Variants in GMPS observed in about 807,000 individuals in gnomAD.
The protein encoded by GMPS is guanosine monophosphate synthase, also known as GMP synthase [glutamine-hydrolyzing].
A neutral mutation model predicts 77.9 loss-of-function variants in GMPS; 15 were observed. That is an observed-to-expected ratio of 0.19 (90% CI 0.13 to 0.30). The LOEUF (loss-of-function observed/expected upper bound fraction) is 0.30. Among genes scored for constraint, GMPS ranks in the 10% least tolerant of loss-of-function variants. GMPS has a pLI of 1.00. For synonymous variants in GMPS, 224 were observed against 275.9 expected (o/e 0.81, Z 1.86); for missense variants, 590 against 838.8 (o/e 0.70, Z 3.66).
chr3:155,886,957 A>C (rs940563090), intron 1 of GMPS, among the ~76,000 whole-genome samples: 2 of 152,236 alleles, frequency 1.3e-5, no homozygotes, highest in Admixed American at 1.3e-4. Context: ...ATATGAATTA[A>C]CATAATATTA....
At chr3:155,928,488 C>T (rs994625664) in intron 12 of GMPS, among the ~76,000 whole-genome samples, 1 of 151,920 alleles carries the variant, frequency 6.6e-6, no homozygotes, top group African/African-American at 2.4e-5. Context: ...AAACAGGACA[C>T]AGGAAAAGAG....
intron 9 of GMPS, among the ~76,000 whole-genome samples, chr3:155,918,034 G>C: frequency 6.6e-6 from 1 of 152,086 alleles, no homozygotes; most frequent in Non-Finnish European, 1.5e-5. Context: ...GGAACTTATT[G>C]TCCATAGCAA....
At chr3:155,870,515 G>A, upstream of GMPS, 1 of 228,760 alleles carries the variant, frequency 4.4e-6, no homozygotes, top group Non-Finnish European at 8.6e-6. Context: ...GCGGGGCCGG[G>A]CGCCGCGAGC....
At position 155,939,862 on chromosome 3, in the gene GMPS, G is replaced by A. The variant is rs984727372; in HGVS notation, c.*2170G>A. 5.0e-6 allele frequency: 1 copy of A among 201,208 alleles called. No individual in the cohort carries two copies. The highest frequency in any genetic ancestry group is 2.3e-5 in the African/African-American group (1 of 43,568). The allele number at this position is 201,208 out of a possible 1,614,324, so 12.5% of individuals were successfully genotyped here. On this transcript the variant is annotated 3_prime_UTR_variant, in exon 16 of 16. Transcript: ENST00000496455. The stretch of plus-strand genomic sequence containing the variant: ...TCTGTACCTTCACAGTATTTCATCT[G>A]AGCCACTGAGGAAAGTTAAAGGTTG...
intron 4 of GMPS, 98 bp from the exon 5 acceptor site, chr3:155,906,062 C>A: frequency 7.3e-6 from 4 of 551,078 alleles, no homozygotes; most frequent in Non-Finnish European, 6.1e-6. Context: ...TTCTGTTTTT[C>A]TAATCATGTA....
intron 1 of GMPS, among the ~76,000 whole-genome samples, chr3:155,872,406 G>C (rs965995748): frequency 6.6e-6 from 1 of 152,162 alleles, no homozygotes; most frequent in Non-Finnish European, 1.5e-5. Context: ...CCGATTACTA[G>C]TCGACTTGCA....
rs542017631 is a variant in GMPS, at chr3:155,916,180, G to T, written c.1200G>T (p.Lys400Asn). 4 of 1,606,070 alleles carry T rather than the reference G, an allele frequency of 2.5e-6. No homozygotes were observed. The Admixed American group carries it at 6.9e-5, about 28-fold the overall frequency. ...ACAATGACACAGAGCTCATCAGAAAGTTGAGAGAGGAGGTAAAAGTTTATG... is the reference window on the plus strand; with the variant it reads ...ACAATGACACAGAGCTCATCAGAAATTTGAGAGAGGAGGTAAAAGTTTATG... ...THHNDTELIR[K>N]LREEGKVIEP... is the part of the protein sequence containing the mutation. Residue 400 changes from lysine (K) to asparagine (N), a missense_variant, in exon 9 of 16, where the codon AAG (lysine) becomes AAT (asparagine). This residue lies in a region of GMPS where 64 missense variants were observed against 114.5 expected (regional missense o/e 0.56). Coordinates refer to ENST00000496455, the MANE Select transcript of GMPS (RefSeq NM_003875.3).
chr3:155,875,904 C>T (rs1277209869), intron 1 of GMPS, among the ~76,000 whole-genome samples: 1 of 151,912 alleles, frequency 6.6e-6, no homozygotes, highest in Non-Finnish European at 1.5e-5. Flanking sequence ...TCTATACACT[C>T]ATTAAGATTG....
At chr3:155,936,102 T>C (rs919850781) in intron 14 of GMPS, among the ~76,000 whole-genome samples, 4 of 152,210 alleles carry the variant, frequency 2.6e-5, no homozygotes, top group Non-Finnish European at 4.4e-5. Context: ...CTGGACTGTT[T>C]CTGTTTACAG....
intron 2 of GMPS, among the ~76,000 whole-genome samples, chr3:155,895,841 A>G (rs1168772690): frequency 1.3e-5 from 2 of 152,232 alleles, no homozygotes; most frequent in East Asian, 3.9e-4. Flanking sequence ...TGTTTTTTTA[A>G]TAGCACTAAG....
At chr3:155,884,403 GAA>G (rs936558047) in intron 1 of GMPS, among the ~76,000 whole-genome samples, 1 of 146,736 alleles carries the variant, frequency 6.8e-6, no homozygotes, top group East Asian at 2.0e-4. Context: ...AAAAAAAAAA[GAA>G]AAAAAAATCA....
chr3:155,873,703 C>T (rs188114651), intron 1 of GMPS, among the ~76,000 whole-genome samples: 113 of 128,600 alleles, frequency 8.8e-4, no homozygotes, highest in African/African-American at 3.3e-3. Context: ...GGTGTGATCT[C>T]GGCTCACTGC....
At chr3:155,891,230 A>G (rs1250475132) in intron 1 of GMPS, among the ~76,000 whole-genome samples, 1 of 152,228 alleles carries the variant, frequency 6.6e-6, no homozygotes, top group Non-Finnish European at 1.5e-5. Context: ...GCATATTAGG[A>G]TTATGCAAGG....
intron 14 of GMPS, 109 bp from the exon 15 acceptor site, chr3:155,936,229 G>T: frequency 1.4e-6 from 1 of 697,914 alleles, no homozygotes; most frequent in Admixed American, 2.3e-5. Flanking sequence ...TCTTAACTAC[G>T]CTGTGTGTGT....
intron 5 of GMPS, among the ~76,000 whole-genome samples, chr3:155,910,309 C>T (rs1755004001): frequency 6.6e-6 from 1 of 152,044 alleles, no homozygotes; most frequent in African/African-American, 2.4e-5. Context: ...TGGCTCATGC[C>T]TGTAATCCTA....
chr3:155,895,511 A>G (rs1038681592), intron 2 of GMPS: 16 of 152,084 alleles, frequency 1.1e-4, no homozygotes, highest in African/African-American at 3.6e-4. Context: ...AGGTTTCGCC[A>G]TGTTGGCCAG....
intron 3 of GMPS, among the ~76,000 whole-genome samples, chr3:155,898,806 C>T (rs770055766): frequency 6.6e-6 from 1 of 152,186 alleles, no homozygotes; most frequent in Non-Finnish European, 1.5e-5. Flanking sequence ...AGCATCTTAT[C>T]AGGAGGCACA....
intron 12 of GMPS, 103 bp from the exon 13 acceptor site, chr3:155,931,662 A>G (rs1755622166): frequency 3.5e-6 from 2 of 563,994 alleles, no homozygotes; most frequent in South Asian, 2.3e-5. Flanking sequence ...ATATTTTTCA[A>G]TGCATCTTTT....
At chr3:155,880,556 G>T (rs1390891165) in intron 1 of GMPS, among the ~76,000 whole-genome samples, 2 of 152,124 alleles carry the variant, frequency 1.3e-5, no homozygotes, top group Non-Finnish European at 2.9e-5. Context: ...ATGTAGTTGA[G>T]TTTTGACATA....
Sources: gnomAD v4.1 joint callset for allele counts (sites outside exome capture counted in the v4.1 genomes callset) on GRCh38, gnomAD v4.1.1 for gene constraint, gnomAD v4.1.1 regional missense constraint, MANE v1.5 for transcripts, NCBI Gene and HGNC (gene_info 2026-07-23, HGNC 2026-07-21) for gene names.